The following PIP5K1B variants were observed in gnomAD, a reference collection of about 807,000 sequenced individuals.
PIP5K1B encodes phosphatidylinositol-4-phosphate 5-kinase type 1 beta, also known as phosphatidylinositol 4-phosphate 5-kinase type-1 beta.
PIP5K1B carries 42 observed loss-of-function variants against 67.0 expected under a neutral mutation model. The observed-to-expected ratio is 0.63, with a 90% confidence interval of 0.49 to 0.81. The LOEUF is 0.81. PIP5K1B is among the 30% of genes least tolerant of loss of function. PIP5K1B has a pLI of 0.00. For missense variants in PIP5K1B, 459 were observed against 646.3 expected (o/e 0.71, Z 3.14); for synonymous variants, 214 against 231.4 (o/e 0.92, Z 0.68).
chr9:68,848,292 A>G (rs1475928555), intron 4 of PIP5K1B, among the ~76,000 whole-genome samples: 1 of 152,138 alleles, frequency 6.6e-6, no homozygotes, highest in Non-Finnish European at 1.5e-5. Flanking sequence ...ACCTAAAGAT[A>G]CCTGATCATT....
Position 68,862,821 on chromosome 9 carries a change from A to AT in PIP5K1B, c.70-1016_70-1015insT, listed in dbSNP as rs1491587811. Among the ~76,000 whole-genome samples the AT allele has an allele frequency of 2.2e-3, 211 of 98,088 alleles. 1 individual carries two copies. The highest frequency in any genetic ancestry group is 5.2e-3 in the Middle Eastern group (1 of 194). 64.3% of individuals were successfully genotyped at this position (98,088 alleles called of 152,430 possible). On this transcript the variant is annotated intron_variant, in intron 4 of 15. Coordinates refer to ENST00000265382, the MANE Select transcript of PIP5K1B (RefSeq NM_003558.4). ...AAAAATAAAAAATAAATAAATAAAT[A>AT]AATATATATATATATATAGAAGTGG... is the stretch of plus-strand genomic sequence containing the variant.
At chr9:68,844,014 C>A (rs554982648) in intron 4 of PIP5K1B, among the ~76,000 whole-genome samples, 22 of 152,258 alleles carry the variant, frequency 1.4e-4, no homozygotes, top group African/African-American at 5.1e-4. Flanking sequence ...GTTGGCCAGG[C>A]CTTTTGTGCA....
chr9:68,781,298 G>T, intron 2 of PIP5K1B: 1 of 339,736 alleles, frequency 2.9e-6, no homozygotes, highest in Non-Finnish European at 5.6e-6. Flanking sequence ...AAATACATAT[G>T]TTATCCCTTG....
intron 2 of PIP5K1B, among the ~76,000 whole-genome samples, chr9:68,801,077 T>C (rs933854028): frequency 1.3e-5 from 2 of 152,186 alleles, no homozygotes; most frequent in Admixed American, 1.3e-4. Context: ...GATTGGTCCA[T>C]AGATATTTTA....
chr9:68,728,649 G>A (rs1828266399), intron 1 of PIP5K1B: 1 of 152,170 alleles, frequency 6.6e-6, no homozygotes, highest in South Asian at 2.1e-4. Flanking sequence ...GCCCACTTGA[G>A]ATACTGGGGG....
At chr9:68,893,377 C>G (rs1157321491) in intron 7 of PIP5K1B, among the ~76,000 whole-genome samples, 1 of 147,650 alleles carries the variant, frequency 6.8e-6, no homozygotes. Context: ...TCTGTCACCC[C>G]GGCTGGAGTG....
intron 2 of PIP5K1B, among the ~76,000 whole-genome samples, chr9:68,748,913 G>T (rs1252851843): frequency 6.6e-6 from 1 of 151,998 alleles, no homozygotes; most frequent in Non-Finnish European, 1.5e-5. Context: ...CACTCGGCCA[G>T]GTTTCAGATC....
intron 2 of PIP5K1B, among the ~76,000 whole-genome samples, chr9:68,814,538 C>T (rs567640399): frequency 2.3e-4 from 35 of 152,102 alleles, no homozygotes; most frequent in Admixed American, 1.4e-3. Context: ...ATAATTTGGC[C>T]GGGCACGGTG....
In PIP5K1B at chr9:68,863,920, T is replaced by C; in HGVS notation, c.153T>C (p.Asp51=). ...ATCTCACTTCCAAGCCAGAACGAGA[T>C]GTTCTTATGCAAGACTTTTATGTGG... ...VGNLTSKPER[D]VLMQDFYVVE... is the part of the protein sequence containing the mutation. The change falls in exon 5 of 16, where the codon GAT becomes GAC. Residue 51 remains aspartate (D), a synonymous_variant. Transcript: ENST00000265382. The C allele has an allele frequency of 6.2e-7, 1 of 1,613,862 alleles. No homozygotes were observed. The highest frequency in any genetic ancestry group is 8.5e-7 in the Non-Finnish European group (1 of 1,179,732).
intron 13 of PIP5K1B, among the ~76,000 whole-genome samples, chr9:68,939,171 A>G (rs759668990): frequency 2.8e-4 from 42 of 152,226 alleles, no homozygotes; most frequent in African/African-American, 9.6e-4. Flanking sequence ...AGAAAAAAGC[A>G]TATGGGAGCA....
chr9:68,785,874 T>C (rs756162073), intron 2 of PIP5K1B, among the ~76,000 whole-genome samples: 1 of 152,238 alleles, frequency 6.6e-6, no homozygotes, highest in Non-Finnish European at 1.5e-5. Flanking sequence ...ACAATATCCT[T>C]CAAAGCAGGC....
At chr9:68,736,848 A>C (rs1431750629) in intron 1 of PIP5K1B, among the ~76,000 whole-genome samples, 1 of 152,222 alleles carries the variant, frequency 6.6e-6, no homozygotes, top group Admixed American at 6.5e-5. Context: ...TACCATGTAA[A>C]GTAGTATATT....
At chr9:68,802,815 A>G (rs563797348) in intron 2 of PIP5K1B, among the ~76,000 whole-genome samples, 315 of 152,302 alleles carry the variant, frequency 2.1e-3, no homozygotes, top group African/African-American at 7.3e-3. Context: ...AGGAGATATG[A>G]GAGTCGTGAG....
At chr9:68,960,535 C>A (rs565407280) in intron 14 of PIP5K1B, among the ~76,000 whole-genome samples, 10 of 152,142 alleles carry the variant, frequency 6.6e-5, no homozygotes, top group African/African-American at 2.4e-4. Context: ...AAAATTGAAG[C>A]CGCTAGACTA....
At chr9:68,986,366 T>C (rs192037407) in intron 14 of PIP5K1B, among the ~76,000 whole-genome samples, 1 of 152,348 alleles carries the variant, frequency 6.6e-6, no homozygotes, top group African/African-American at 2.4e-5. Context: ...TCTTTTTATA[T>C]GCTTATTGAC....
At chr9:68,924,401 C>CAAAAAAAAAAAAAAAA (rs71353093) in intron 12 of PIP5K1B, among the ~76,000 whole-genome samples, 3 of 86,768 alleles carry the variant, frequency 3.5e-5, no homozygotes, top group African/African-American at 4.7e-5. Context: ...CACTGCGCCT[C>CAAAAAAAAAAAAAAAA]AAAAAAAAAA....
intron 2 of PIP5K1B, chr9:68,788,481 T>TTTGTTTTGTTTTGTC: frequency 2.8e-6 from 1 of 359,820 alleles, no homozygotes; most frequent in Non-Finnish European, 5.1e-6. Flanking sequence ...AGGTTTTTGT[T>TTTGTTTTGTTTTGTC]TTGTTTTGTT....
intron 4 of PIP5K1B, among the ~76,000 whole-genome samples, chr9:68,839,430 C>T (rs7865800): frequency 0.064 from 9,675 of 152,060 alleles, 632 homozygotes; most frequent in African/African-American, 0.17. Context: ...GTTACATCTC[C>T]TTTCGAGAAA....
intron 15 of PIP5K1B, among the ~76,000 whole-genome samples, chr9:69,007,772 T>A (rs919361036): frequency 2.6e-5 from 4 of 151,726 alleles, no homozygotes; most frequent in African/African-American, 7.3e-5. Flanking sequence ...CAGGAGAATC[T>A]CATGTACGTG....
Sources: gnomAD v4.1 joint callset for allele counts (sites outside exome capture counted in the v4.1 genomes callset) on GRCh38, gnomAD v4.1.1 for gene constraint, MANE v1.5 for transcripts, NCBI Gene and HGNC (gene_info 2026-07-23, HGNC 2026-07-21) for gene names.